The following SZT2 variants were observed in gnomAD, a reference collection of about 807,000 sequenced individuals.
SZT2 encodes the protein SZT2 subunit of KICSTOR complex.
In SZT2, 216 loss-of-function variants were observed where a neutral mutation model predicts 404.2. The observed-to-expected ratio is 0.53, with a 90% CI of 0.48 to 0.60. The LOEUF (loss-of-function observed/expected upper bound fraction) is 0.60. Among genes scored for constraint, SZT2 ranks in the 20% least tolerant of loss-of-function variants. SZT2 has a pLI of 0.00. For synonymous variants in SZT2, 1,693 were observed against 1,749.9 expected (o/e 0.97, Z 0.81); for missense variants, 3,857 against 4,459.2 (o/e 0.86, Z 3.85).
chr1:43,408,819 G>A (rs926427848), intron 4 of SZT2, among the ~76,000 whole-genome samples: 3 of 152,130 alleles, frequency 2.0e-5, no homozygotes, highest in African/African-American at 7.2e-5. Flanking sequence ...TGGGCCTGTA[G>A]AGTGAGACAA....
chr1:43,397,999 G>A (rs1649208245), intron 1 of SZT2, among the ~76,000 whole-genome samples: 1 of 152,180 alleles, frequency 6.6e-6, no homozygotes, highest in Non-Finnish European at 1.5e-5. Context: ...GTGACCACGT[G>A]CCCAACTCTG....
chr1:43,440,101 G>A (rs148687045), intron 51 of SZT2, 53 bp downstream of exon 51: 2 of 1,605,186 alleles, frequency 1.2e-6, no homozygotes, highest in East Asian at 4.5e-5. Flanking sequence ...GATCCAAGCA[G>A]GACAGTGTGG....
rs189044192 is a variant in SZT2 at position 43,430,484 on chromosome 1, A to C, written c.4481-12A>C. On this transcript the variant is annotated splice_polypyrimidine_tract_variant and intron_variant, in intron 31 of 71. Transcript: ENST00000634258. ...CAGCCTCTCTCATTGACCATGTGACATGCACTACTAGGAGACACATCTGCC... is the reference window on the plus strand; with the variant it reads ...CAGCCTCTCTCATTGACCATGTGACCTGCACTACTAGGAGACACATCTGCC... 2.5e-6 allele frequency: 4 copies of C among 1,612,348 alleles called. No homozygotes were observed. The African/African-American group carries it at 5.3e-5, about 21-fold the overall frequency.
At chr1:43,445,753 C>T (rs1655585334) in intron 62 of SZT2, 141 bp from the exon 63 acceptor site, 1 of 813,988 alleles carries the variant, frequency 1.2e-6, no homozygotes, top group South Asian at 1.5e-5. Flanking sequence ...CAAGCCCAGC[C>T]TTGCCACTCA....
intron 23 of SZT2, 38 bp from the exon 24 acceptor site, chr1:43,427,018 C>T: frequency 6.2e-7 from 1 of 1,612,354 alleles, no homozygotes; most frequent in Non-Finnish European, 8.5e-7. Flanking sequence ...TTGGACATTC[C>T]CTTATAGATT....
At chr1:43,445,276 CCA>C (rs771946429) in intron 62 of SZT2, 6 of 152,764 alleles carry the variant, frequency 3.9e-5, no homozygotes, top group Non-Finnish European at 5.8e-5. Context: ...AAGTCTTGTC[CCA>C]GTTTCCTTGA....
Position 43,442,205 on chromosome 1 carries a change from G to C in SZT2, c.7874-63G>C. 6.2e-7 allele frequency: 1 copy of C among 1,600,418 alleles called. No homozygotes were observed. Among genetic ancestry groups the C allele is most frequent in the Non-Finnish European group, 8.5e-7 (1 of 1,172,578 alleles). On this transcript the variant is annotated intron_variant, in intron 56 of 71. Transcript: ENST00000634258. The surrounding 1 kb of genome is among the most constrained non-coding windows in gnomAD (Gnocchi z 4.5). ...GGTGGGGTCTCCAACCTTGCAGAGG[G>C]GAGGGTGGGATCAAGGGGGATCTGT...
In SZT2 at chr1:43,454,070, C is replaced by G. The variant is rs1656769870; in HGVS notation, c.*3590C>G. On this transcript the variant is annotated 3_prime_UTR_variant, in exon 72 of 72. Transcript: ENST00000634258. ...CTGGAGAAGGTAGGGAGGCCGAGCT[C>G]CAGGGCCTGAGAGCCGGACGCGAAG... The G allele has an allele frequency of 8.9e-7, 1 of 1,123,922 alleles. No homozygotes were observed. Among genetic ancestry groups the G allele is most frequent in the African/African-American group, 1.6e-5 (1 of 61,156 alleles). The allele number at this position is 1,123,922 out of a possible 1,614,324, so 69.6% of individuals were successfully genotyped here.
chr1:43,427,656 A>T lies in SZT2; in HGVS notation c.3725A>T (p.Tyr1242Phe). ...GPRTRCPVYI[Y>F]SCSLEALREQ... The stretch of plus-strand genomic sequence containing the variant: ...CGGACCCGGTGTCCTGTCTACATCT[A>T]CAGCTGTTCACTGGAAGCGCTGAGG... Residue 1242 changes from tyrosine (Y) to phenylalanine (F), a missense_variant, in exon 26 of 72, where the codon TAC (tyrosine) becomes TTC (phenylalanine). Physicochemically the swap from Tyr to Phe is conservative, Grantham distance 22. Transcript: ENST00000634258. The T allele has an allele frequency of 1.2e-6, 2 of 1,614,158 alleles. No individual in the cohort carries two copies. The highest frequency in any genetic ancestry group is 1.7e-6 in the Non-Finnish European group (2 of 1,180,028).
At position 43,450,522 on chromosome 1, in the gene SZT2, A is replaced by G. The variant is rs1187428298; in HGVS notation, c.*42A>G. ...ACTGAATGTCACTGTTCCTTGAATC[A>G]TGGGCCTACCAGATTGCCTGCCAGA... On this transcript the variant is annotated 3_prime_UTR_variant, in exon 72 of 72. Transcript: ENST00000634258. This position sits in a 1 kb window ranked among gnomAD's most constrained non-coding sequence, Gnocchi z 4.3. 1 of 1,611,040 alleles carries G rather than the reference A, an allele frequency of 6.2e-7. No homozygotes were observed. Among genetic ancestry groups the G allele is most frequent in the Non-Finnish European group, 8.5e-7 (1 of 1,178,046 alleles).
Position 43,442,511 on chromosome 1 carries a change from G to T in SZT2, c.8044G>T (p.Val2682Leu), listed in dbSNP as rs749819665. 1.2e-6 allele frequency: 2 copies of T among 1,614,164 alleles called. No homozygotes were observed. Among genetic ancestry groups the T allele is most frequent in the Admixed American group, 3.3e-5 (2 of 60,018 alleles). ...AALGRALVRL[V>L]QWQNARAHLI... is the part of the protein sequence containing the mutation. ...ATTGGGCCGAGCGCTGGTTCGCCTG[G>T]TGCAGTGGCAGAATGCACGAGCCCA... is the stretch of plus-strand genomic sequence containing the variant. The change falls in exon 58 of 72, where the codon GTG (valine) becomes TTG (leucine). Residue 2682 changes from valine (V) to leucine (L), a missense_variant. By Grantham distance (32) the Val-to-Leu change is conservative (BLOSUM62 1). This residue lies in a region of SZT2 where 573 missense variants were observed against 592.4 expected (regional missense o/e 0.97). Coordinates refer to ENST00000634258, the MANE Select transcript of SZT2 (RefSeq NM_001365999.1). The surrounding 1 kb of genome is among the most constrained non-coding windows in gnomAD (Gnocchi z 4.5).
rs1424104728 is a variant in SZT2 at position 43,439,272 on chromosome 1, C to T, written c.6793-86C>T. 8 of 1,539,470 alleles carry T rather than the reference C, an allele frequency of 5.2e-6. No homozygotes were observed. The African/African-American group carries it at 6.8e-5, about 13-fold the overall frequency. ...CTTCTCATGCTCCCATATCTACCTGCACCACATTCCCCACTGTGGGCACCC... is the reference window on the plus strand; with the variant it reads ...CTTCTCATGCTCCCATATCTACCTGTACCACATTCCCCACTGTGGGCACCC... On this transcript the variant is annotated intron_variant, in intron 48 of 71. Coordinates refer to ENST00000634258, the MANE Select transcript of SZT2 (RefSeq NM_001365999.1). This position sits in a 1 kb window ranked among gnomAD's most constrained non-coding sequence, Gnocchi z 4.2.
chr1:43,447,297 C>T lies in SZT2; in HGVS notation c.9286+129C>T, dbSNP rs1020272461. 22 of 1,154,444 alleles carry T rather than the reference C, an allele frequency of 1.9e-5. No homozygotes were observed. In the South Asian group the frequency reaches 3.3e-4, roughly 17 times the overall value. The allele number at this position is 1,154,444 out of a possible 1,614,324, so 71.5% of individuals were successfully genotyped here. A position where few individuals can be genotyped will look rare whatever the true frequency, so the allele number is the denominator to read the frequency against. On this transcript the variant is annotated intron_variant, in intron 66 of 71. Coordinates refer to ENST00000634258, the MANE Select transcript of SZT2 (RefSeq NM_001365999.1). The stretch of plus-strand genomic sequence containing the variant: ...TGTTAATCATCTCATGTCACACATA[C>T]CACGTCCCCATGTTTCTGTCCTGTG...
chr1:43,416,452 TC>T, intron 6 of SZT2, 82 bp from the exon 7 acceptor site: 3 of 1,170,170 alleles, frequency 2.6e-6, no homozygotes, highest in Non-Finnish European at 3.7e-6. Flanking sequence ...ACTGAGCCGT[TC>T]AGGACCCTGT....
rs1654804737 is a variant in SZT2 at position 43,439,273 on chromosome 1, A to G, written c.6793-85A>G. 2 of 1,544,786 alleles carry G rather than the reference A, an allele frequency of 1.3e-6. No homozygotes were observed. The highest frequency in any genetic ancestry group is 1.7e-5 in the Admixed American group (1 of 59,612). ...TTCTCATGCTCCCATATCTACCTGC[A>G]CCACATTCCCCACTGTGGGCACCCA... On this transcript the variant is annotated intron_variant, in intron 48 of 71. Transcript: ENST00000634258. This position sits in a 1 kb window ranked among gnomAD's most constrained non-coding sequence, Gnocchi z 4.2.
Position 43,440,497 on chromosome 1 carries a change from C to G in SZT2, c.7255C>G (p.Arg2419Gly). 6.2e-7 allele frequency: 1 copy of G among 1,607,434 alleles called. No individual in the cohort carries two copies. The highest frequency in any genetic ancestry group is 8.5e-7 in the Non-Finnish European group (1 of 1,177,066). Residue 2419 changes from arginine to glycine, a missense_variant, in exon 52 of 72, where the codon CGA becomes GGA. Physicochemically the swap from Arg to Gly is moderately radical, Grantham distance 125 (BLOSUM62 -2). Around this residue, in one of 7 missense-constraint regions of SZT2, gnomAD observed 573 missense variants for 592.4 expected, o/e 0.97. Coordinates refer to ENST00000634258, the MANE Select transcript of SZT2 (RefSeq NM_001365999.1). ...GSLETKSSAG[R>G]ASTFPPAPVP... ...GTTGGAAACTAAGAGCTCTGCAGGC[C>G]GAGCTAGCACCTTTCCCCCTGCCCC...
In SZT2 at chr1:43,452,809, T is replaced by G. The variant is rs1656584404; in HGVS notation, c.*2329T>G. 2.2e-6 allele frequency: 3 copies of G among 1,345,770 alleles called. No homozygotes were observed. The highest frequency in any genetic ancestry group is 3.1e-6 in the Non-Finnish European group (3 of 965,678). The allele number at this position is 1,345,770 out of a possible 1,614,324, so 83.4% of individuals were successfully genotyped here. ...TTTGACATTTGAATCAGCCCCACTT[T>G]GAGCCGTCCACCTCCTCCCATCATC... On this transcript the variant is annotated 3_prime_UTR_variant, in exon 72 of 72. Coordinates refer to ENST00000634258, the MANE Select transcript of SZT2 (RefSeq NM_001365999.1).
rs1570771554 is a variant in SZT2 at position 43,454,007 on chromosome 1, C to T, written c.*3527C>T. 6.0e-6 allele frequency: 7 copies of T among 1,174,504 alleles called. No individual in the cohort carries two copies. In the South Asian group the frequency reaches 2.1e-4, roughly 36 times the overall value. 72.8% of individuals were successfully genotyped at this position (1,174,504 alleles called of 1,614,324 possible). A position where few individuals can be genotyped will look rare whatever the true frequency, so the allele number is the denominator to read the frequency against. ...GGGATCACGGGGAGAGGCGAAGGGGCGGAGCGAGGGCGGCCGGAAAAGGAG... is the reference window on the plus strand; with the variant it reads ...GGGATCACGGGGAGAGGCGAAGGGGTGGAGCGAGGGCGGCCGGAAAAGGAG... On this transcript the variant is annotated 3_prime_UTR_variant, in exon 72 of 72. Transcript: ENST00000634258.
In SZT2 at chr1:43,453,555, C is replaced by A; in HGVS notation, c.*3075C>A. 1 of 1,520,022 alleles carries A rather than the reference C, an allele frequency of 6.6e-7. No homozygotes were observed. Among genetic ancestry groups the A allele is most frequent in the Non-Finnish European group, 8.9e-7 (1 of 1,129,748 alleles). 94.2% of individuals were successfully genotyped at this position (1,520,022 alleles called of 1,614,324 possible). A position where few individuals can be genotyped will look rare whatever the true frequency, so the allele number is the denominator to read the frequency against. On this transcript the variant is annotated 3_prime_UTR_variant, in exon 72 of 72. Coordinates refer to ENST00000634258, the MANE Select transcript of SZT2 (RefSeq NM_001365999.1). ...GGACACTCCCCTGCCCGCGCCCCGG[C>A]ACCCCCCAGCCCTCCCAGCCCTCCC... is the stretch of plus-strand genomic sequence containing the variant.
Sources: allele counts gnomAD v4.1 joint callset (sites outside exome capture counted in the v4.1 genomes callset), GRCh38; gene constraint gnomAD v4.1.1; regional missense constraint gnomAD v4.1.1; non-coding constraint Gnocchi (gnomAD v3.1); transcripts MANE v1.5; gene names NCBI Gene and HGNC (gene_info 2026-07-23, HGNC 2026-07-21).